CREBBP: variants seen among roughly 807,000 people sequenced by gnomAD.
CREBBP encodes CREB binding lysine acetyltransferase, also known as CREB-binding protein.
In CREBBP, 19 loss-of-function variants were observed where a neutral mutation model predicts 265.0. The ratio of observed to expected loss-of-function variants is 0.07; its 90% CI spans 0.05 to 0.11. The LOEUF is 0.11. CREBBP is among the 10% of genes least tolerant of loss of function. CREBBP has a pLI of 1.00. For synonymous variants in CREBBP, 1,457 were observed against 1,223.7 expected (o/e 1.19, Z -3.98); for missense variants, 2,525 against 3,219.0 (o/e 0.78, Z 5.22).
chr16:3,783,702 G>T (rs1227627701), intron 5 of CREBBP, among the ~76,000 whole-genome samples: 1 of 152,208 alleles, frequency 6.6e-6, no homozygotes, highest in Non-Finnish European at 1.5e-5. Context: ...TATTCAGGAG[G>T]TGGCTCTGCC....
intron 2 of CREBBP, among the ~76,000 whole-genome samples, chr16:3,849,444 T>TGTGTGGG (rs1567360570): frequency 4.0e-5 from 1 of 24,882 alleles, no homozygotes; most frequent in Non-Finnish European, 1.6e-4. Flanking sequence ...TGTGTGTGTG[T>TGTGTGGG]GTGTGTGTGT....
At chr16:3,732,266 C>A (rs569905314) in intron 28 of CREBBP, among the ~76,000 whole-genome samples, 1 of 152,218 alleles carries the variant, frequency 6.6e-6, no homozygotes, top group African/African-American at 2.4e-5. Context: ...GCGGAAGATT[C>A]CACGTCACAA....
intron 23 of CREBBP, chr16:3,743,679 G>T (rs1269939871): frequency 1.3e-5 from 2 of 152,264 alleles, no homozygotes; most frequent in East Asian, 1.9e-4. Context: ...TCGGCAAAAG[G>T]CCAGCCTGGC....
At position 3,725,144 on chromosome 16, in the gene CREBBP, TCTC is replaced by T. The variant is rs1216945147; in HGVS notation, c.*2571_*2573del. 4.3e-6 allele frequency: 1 copy of T among 233,458 alleles called. No individual in the cohort carries two copies. Among genetic ancestry groups the T allele is most frequent in the Non-Finnish European group, 8.5e-6 (1 of 117,976 alleles). The allele number at this position is 233,458 out of a possible 1,614,324, so 14.5% of individuals were successfully genotyped here. On this transcript the variant is annotated 3_prime_UTR_variant, in exon 31 of 31. Coordinates refer to ENST00000262367, the MANE Select transcript of CREBBP (RefSeq NM_004380.3). ...TGATCACAAATATAGGACTTTTTCT[TCTC>T]CTCTTAAGTATACAGCATGAGACAC... is the stretch of plus-strand genomic sequence containing the variant.
At chr16:3,874,723 C>G (rs1470308041) in intron 1 of CREBBP, among the ~76,000 whole-genome samples, 2 of 152,206 alleles carry the variant, frequency 1.3e-5, no homozygotes, top group Non-Finnish European at 2.9e-5. Flanking sequence ...CACCAAGGCT[C>G]TGGGAAAGTC....
chr16:3,853,757 C>T (rs928697970), intron 1 of CREBBP, among the ~76,000 whole-genome samples: 1 of 151,762 alleles, frequency 6.6e-6, no homozygotes, highest in Non-Finnish European at 1.5e-5. Context: ...GCTAATATGG[C>T]GAAGCCCTAT....
In CREBBP at chr16:3,850,833, T is replaced by A. The variant is rs2054819091; in HGVS notation, c.262A>T (p.Asn88Tyr). 6.2e-7 allele frequency: 1 copy of A among 1,614,044 alleles called. No homozygotes were observed. The highest frequency in any genetic ancestry group is 1.7e-5 in the Admixed American group (1 of 60,000). Residue 88 changes from asparagine to tyrosine, a missense_variant, in exon 2 of 31, where the codon AAT (asparagine) becomes TAT (tyrosine). Asn to Tyr is a moderately radical substitution (Grantham distance 143). Transcript: ENST00000262367. ...SGSSINPGIG[N>Y]VSASSPVQQG... ...TGCACGGGGCTGCTGGCGCTCACATTTCCTATTCCTGGGTTGATACTAGAG... is the reference window on the plus strand; with the variant it reads ...TGCACGGGGCTGCTGGCGCTCACATATCCTATTCCTGGGTTGATACTAGAG...
intron 16 of CREBBP, among the ~76,000 whole-genome samples, chr16:3,766,052 A>G (rs888963647): frequency 2.6e-5 from 4 of 151,566 alleles, no homozygotes; most frequent in African/African-American, 9.7e-5. Context: ...ACAAATGTTG[A>G]TTTTTTTTTG....
In CREBBP at chr16:3,777,671, A is replaced by G. The variant is rs1472959720; in HGVS notation, c.2114-14T>C. The G allele has an allele frequency of 2.5e-6, 4 of 1,612,624 alleles. No homozygotes were observed. The highest frequency in any genetic ancestry group is 2.5e-6 in the Non-Finnish European group (3 of 1,178,924). On this transcript the variant is annotated splice_polypyrimidine_tract_variant and intron_variant, in intron 10 of 30. Coordinates refer to ENST00000262367, the MANE Select transcript of CREBBP (RefSeq NM_004380.3). ...ACAGGGGTCCATCTATGGTGGCAAA[A>G]CAAAAACAAAAACAAAACCACCCTA...
chr16:3,734,697 C>G (rs1049947084), intron 28 of CREBBP, among the ~76,000 whole-genome samples: 1 of 151,754 alleles, frequency 6.6e-6, no homozygotes, highest in African/African-American at 2.4e-5. Flanking sequence ...CACCCCCTGC[C>G]CGCGCCTCCT....
At chr16:3,872,985 T>G (rs1345509658) in intron 1 of CREBBP, among the ~76,000 whole-genome samples, 2 of 152,226 alleles carry the variant, frequency 1.3e-5, no homozygotes, top group African/African-American at 4.8e-5. Context: ...TGAAGCCTTA[T>G]TCAGATCACC....
intron 15 of CREBBP, 65 bp from the exon 16 acceptor site, chr16:3,767,974 G>A (rs2141184610): frequency 6.7e-7 from 1 of 1,493,886 alleles, no homozygotes; most frequent in Non-Finnish European, 9.3e-7. Flanking sequence ...CAACCTCACG[G>A]GAAGACTCTT....
intron 2 of CREBBP, among the ~76,000 whole-genome samples, chr16:3,819,333 G>C (rs1313649680): frequency 1.3e-5 from 2 of 152,212 alleles, no homozygotes; most frequent in Non-Finnish European, 2.9e-5. Flanking sequence ...GGTTGCGTGA[G>C]AACTAAACAA....
intron 25 of CREBBP, among the ~76,000 whole-genome samples, chr16:3,739,271 G>A (rs544543907): frequency 1.3e-5 from 2 of 152,276 alleles, no homozygotes; most frequent in Admixed American, 1.3e-4. Flanking sequence ...AGCCCTCGTG[G>A]CAGAGCTACT....
At chr16:3,814,134 G>A (rs1032517802) in intron 2 of CREBBP, among the ~76,000 whole-genome samples, 2 of 151,586 alleles carry the variant, frequency 1.3e-5, no homozygotes, top group African/African-American at 2.4e-5. Context: ...GCCTGGCCTG[G>A]GGCCCTTTTC....
intron 18 of CREBBP, among the ~76,000 whole-genome samples, 158 bp downstream of exon 18, chr16:3,757,651 G>C (rs1020399640): frequency 6.6e-6 from 1 of 152,096 alleles, no homozygotes; most frequent in African/African-American, 2.4e-5. Flanking sequence ...ACCCAGCTCT[G>C]ATCACCCATC....
intron 1 of CREBBP, among the ~76,000 whole-genome samples, chr16:3,852,351 G>C (rs563075995): frequency 3.3e-5 from 5 of 151,198 alleles, no homozygotes; most frequent in South Asian, 2.1e-4. Context: ...TGTATTTTTA[G>C]TAGAGACGGG....
At chr16:3,810,889 T>C in intron 2 of CREBBP, 110 bp from the exon 3 acceptor site, 1 of 1,123,408 alleles carries the variant, frequency 8.9e-7, no homozygotes, top group Non-Finnish European at 1.3e-6. Context: ...CAATGATAAA[T>C]TCAAGGTTCA....
At chr16:3,777,490 G>T in intron 11 of CREBBP, 123 bp downstream of exon 11, 1 of 1,062,254 alleles carries the variant, frequency 9.4e-7, no homozygotes, top group Non-Finnish European at 1.5e-6. Context: ...CTGCTTATCA[G>T]CAAAAAGGAA....
Sources: allele counts gnomAD v4.1 joint callset (sites outside exome capture counted in the v4.1 genomes callset), GRCh38; gene constraint gnomAD v4.1.1; transcripts MANE v1.5; gene names NCBI Gene and HGNC (gene_info 2026-07-23, HGNC 2026-07-21).